Variants in ADCY8 observed in about 807,000 individuals in gnomAD.
ADCY8 encodes adenylate cyclase type 8.
In ADCY8, 51 loss-of-function variants were observed where a neutral mutation model predicts 119.7. That is an observed-to-expected ratio of 0.43 (90% CI 0.34 to 0.54). The LOEUF (loss-of-function observed/expected upper bound fraction) is 0.54. ADCY8 is among the 20% of genes least tolerant of loss of function. ADCY8 has a pLI of 0.03. For synonymous variants in ADCY8, 665 were observed against 651.0 expected (o/e 1.02, Z -0.33); for missense variants, 1,383 against 1,598.8 (o/e 0.87, Z 2.30).
intron 14 of ADCY8, among the ~76,000 whole-genome samples, chr8:130,812,044 A>G (rs1005781632): frequency 2.6e-5 from 4 of 152,078 alleles, no homozygotes; most frequent in African/African-American, 7.2e-5. Context: ...AGAACTATTG[A>G]TTCTATATCC....
chr8:130,819,629 C>T (rs1047322980), intron 13 of ADCY8, among the ~76,000 whole-genome samples: 1 of 152,236 alleles, frequency 6.6e-6, no homozygotes, highest in East Asian at 1.9e-4. Context: ...ATATGTTTGT[C>T]TATAGGGTGA....
chr8:131,028,919 C>G (rs1823906644), intron 1 of ADCY8, among the ~76,000 whole-genome samples: 2 of 152,286 alleles, frequency 1.3e-5, no homozygotes, highest in Admixed American at 1.3e-4. Flanking sequence ...GAGCACCCAC[C>G]AGAAGGGGGC....
At chr8:130,934,888 T>G (rs1215924060) in intron 5 of ADCY8, among the ~76,000 whole-genome samples, 1 of 152,182 alleles carries the variant, frequency 6.6e-6, no homozygotes, top group Admixed American at 6.5e-5. Context: ...AAAAGTACCA[T>G]AAATTCTCAT....
chr8:130,849,822 T>C lies in ADCY8; in HGVS notation c.2211-19A>G. The stretch of plus-strand genomic sequence containing the variant: ...CATCACTCTGCAGGGAAACACAGAA[T>C]GTTGGGTCATTGGCATCAATTGTCT... On this transcript the variant is annotated intron_variant, in intron 9 of 17. Coordinates refer to ENST00000286355, the MANE Select transcript of ADCY8 (RefSeq NM_001115.3). 2 of 1,604,034 alleles carry C rather than the reference T, an allele frequency of 1.2e-6. No individual in the cohort carries two copies. Among genetic ancestry groups the C allele is most frequent in the South Asian group, 1.1e-5 (1 of 89,712 alleles).
intron 12 of ADCY8, among the ~76,000 whole-genome samples, chr8:130,835,642 C>A (rs1816962876): frequency 6.6e-6 from 1 of 152,052 alleles, no homozygotes; most frequent in Admixed American, 6.6e-5. Flanking sequence ...TTGGTATCAG[C>A]CCTGTGGATA....
At chr8:130,937,238 G>T (rs370054161) in intron 4 of ADCY8, 38 bp from the exon 5 acceptor site, 2 of 1,594,866 alleles carry the variant, frequency 1.3e-6, no homozygotes, top group South Asian at 2.3e-5. Flanking sequence ...GTCTATGTCA[G>T]CAGAAGGATC....
intron 16 of ADCY8, 37 bp from the exon 17 acceptor site, chr8:130,783,842 G>A (rs758830662): frequency 5.2e-5 from 77 of 1,494,214 alleles, no homozygotes; most frequent in Middle Eastern, 5.2e-4. Context: ...CATTTAATGC[G>A]GAATGTGGGG....
chr8:130,825,413 C>A lies in ADCY8; in HGVS notation c.2676-3993G>T, dbSNP rs564176994. 3.3e-5 allele frequency among the ~76,000 whole-genome samples: 5 copies of A among 152,296 alleles called. No homozygotes were observed. The East Asian group carries it at 5.8e-4, about 18-fold the overall frequency. ...TGATTGGGTAGCAAGATCTGCATCA[C>A]TTATCTTAATTCTACTTTTGTGGCA... On this transcript the variant is annotated intron_variant, in intron 12 of 17. Transcript: ENST00000286355.
Position 130,867,855 on chromosome 8 carries a change from G to A in ADCY8, c.2201C>T (p.Pro734Leu). The change falls in exon 9 of 18, where the codon CCT (proline) becomes CTT (leucine). Residue 734 changes from proline (P) to leucine (L), a missense_variant. Physicochemically the swap from Pro to Leu is moderately conservative, Grantham distance 98. Transcript: ENST00000286355. Reference protein sequence around the residue: ...LFITAIQSLLPSSRVMPMTIQ... With the variant: ...LFITAIQSLLLSSRVMPMTIQ... ...GTTCTTTTACATTTACCTTGAAGAA[G>A]GAAGCAAACTTTGTATTGCCGTGAT... 3 of 1,608,310 alleles carry A rather than the reference G, an allele frequency of 1.9e-6. No homozygotes were observed. The highest frequency in any genetic ancestry group is 2.6e-6 in the Non-Finnish European group (3 of 1,176,412).
At chr8:130,971,626 A>C (rs1039547309) in intron 2 of ADCY8, among the ~76,000 whole-genome samples, 2 of 152,216 alleles carry the variant, frequency 1.3e-5, no homozygotes, top group African/African-American at 4.8e-5. Flanking sequence ...TGATAAATGC[A>C]GTGATGGATG....
At chr8:130,832,224 T>C (rs939338935) in intron 12 of ADCY8, among the ~76,000 whole-genome samples, 1 of 152,058 alleles carries the variant, frequency 6.6e-6, no homozygotes, top group African/African-American at 2.4e-5. Flanking sequence ...CTCTCCTGTT[T>C]TGGGCTGGGC....
chr8:130,867,940 G>C lies in ADCY8; in HGVS notation c.2116C>G (p.Gln706Glu). Reference sequence around the variant, plus strand: ...GACTTGAACACTTCATCCCTCATTTGAGAATACTGTAATTAAAAAAAGAGA... The same window carrying C: ...GACTTGAACACTTCATCCCTCATTTCAGAATACTGTAATTAAAAAAAGAGA... ...KDSSLEHKYSQMRDEVFKSNL... is the reference protein window; with the variant it reads ...KDSSLEHKYSEMRDEVFKSNL... The change falls in exon 9 of 18, where the codon CAA becomes GAA. Residue 706 changes from glutamine to glutamate, a missense_variant. Physicochemically the swap from Gln to Glu is conservative, Grantham distance 29. This residue lies in a region of ADCY8 where 928 missense variants were observed against 1,163.5 expected (regional missense o/e 0.80). Coordinates refer to ENST00000286355, the MANE Select transcript of ADCY8 (RefSeq NM_001115.3). The C allele has an allele frequency of 1.2e-6, 2 of 1,605,274 alleles. No individual in the cohort carries two copies. Among genetic ancestry groups the C allele is most frequent in the Non-Finnish European group, 1.7e-6 (2 of 1,174,094 alleles).
chr8:130,824,460 T>C (rs879418968), intron 12 of ADCY8, among the ~76,000 whole-genome samples: 38 of 152,284 alleles, frequency 2.5e-4, no homozygotes, highest in Admixed American at 5.9e-4. Context: ...GTAGCTACAA[T>C]GCCCTCCTCT....
intron 11 of ADCY8, among the ~76,000 whole-genome samples, chr8:130,841,198 G>A (rs931322471): frequency 3.9e-5 from 6 of 152,170 alleles, no homozygotes; most frequent in East Asian, 3.9e-4. Context: ...TATTGGGCAC[G>A]TATTCTGTGA....
At chr8:130,876,714 G>GGGGGGCA (rs1818579655) in intron 8 of ADCY8, among the ~76,000 whole-genome samples, 1 of 143,244 alleles carries the variant, frequency 7.0e-6, no homozygotes, top group Non-Finnish European at 1.5e-5. Context: ...TGTGTGTGTA[G>GGGGGGCA]GGGGGCAGGG....
At chr8:130,815,480 T>C (rs1237431769) in intron 13 of ADCY8, among the ~76,000 whole-genome samples, 2 of 152,186 alleles carry the variant, frequency 1.3e-5, no homozygotes, top group Non-Finnish European at 2.9e-5. Context: ...ATTAAATCCT[T>C]TAATCCATGT....
chr8:130,843,145 G>T (rs1243359881), intron 11 of ADCY8, among the ~76,000 whole-genome samples: 1 of 152,100 alleles, frequency 6.6e-6, no homozygotes, highest in African/African-American at 2.4e-5. Flanking sequence ...GATTTTAAAG[G>T]AAGGATCAGA....
chr8:130,950,564 C>G (rs1821239922), intron 3 of ADCY8, among the ~76,000 whole-genome samples: 1 of 152,230 alleles, frequency 6.6e-6, no homozygotes, highest in East Asian at 1.9e-4. Flanking sequence ...GGCCTCCTAA[C>G]TGGCCTAAGT....
At chr8:131,022,548 A>G (rs1443199450) in intron 1 of ADCY8, among the ~76,000 whole-genome samples, 1 of 152,146 alleles carries the variant, frequency 6.6e-6, no homozygotes, top group Admixed American at 6.5e-5. Context: ...TTGGTCTTAA[A>G]GAAAGATGGT....
Sources: allele counts gnomAD v4.1 joint callset (sites outside exome capture counted in the v4.1 genomes callset), GRCh38; gene constraint gnomAD v4.1.1; regional missense constraint gnomAD v4.1.1; transcripts MANE v1.5; gene names NCBI Gene and HGNC (gene_info 2026-07-23, HGNC 2026-07-21).